The following PDE4D variants were observed in gnomAD, a reference collection of about 807,000 sequenced individuals.
PDE4D encodes 3',5'-cyclic-AMP phosphodiesterase 4D.
A neutral mutation model predicts 87.4 loss-of-function variants in PDE4D; 24 were observed. That is an observed-to-expected ratio of 0.27 (90% CI 0.20 to 0.39). The LOEUF (loss-of-function observed/expected upper bound fraction) is 0.39, where lower values mean the gene tolerates loss of function less well. PDE4D is among the 10% of genes least tolerant of loss of function. The probability of loss-of-function intolerance (pLI) is 1.00; values close to 1 mark genes in which losing one functional copy is unlikely to be tolerated. For synonymous variants in PDE4D, 384 were observed against 383.2 expected (o/e 1.00, Z -0.02); for missense variants, 714 against 1,041.0 (o/e 0.69, Z 4.32).
At chr5:59,042,266 G>T (rs115046480) in intron 5 of PDE4D, among the ~76,000 whole-genome samples, 4 of 152,118 alleles carry the variant, frequency 2.6e-5, no homozygotes, top group Non-Finnish European at 5.9e-5. Flanking sequence ...CATTTGTAAA[G>T]CTTCACTTTT....
chr5:60,381,976 A>G (rs527293489), intron 1 of PDE4D, among the ~76,000 whole-genome samples: 1 of 152,324 alleles, frequency 6.6e-6, no homozygotes, highest in East Asian at 1.9e-4. Context: ...TTCATCATGA[A>G]AGATTCTGTT....
chr5:59,771,433 A>AAGAAAG (rs758826036), intron 1 of PDE4D, among the ~76,000 whole-genome samples: 2 of 93,830 alleles, frequency 2.1e-5, no homozygotes, highest in African/African-American at 8.1e-5. Context: ...AAGAAAAAGA[A>AAGAAAG]AAAGAAAGAA....
At chr5:59,917,190 C>T (rs1754159249) in intron 3 of PDE4D, among the ~76,000 whole-genome samples, 1 of 151,992 alleles carries the variant, frequency 6.6e-6, no homozygotes, top group Admixed American at 6.6e-5. Context: ...TCTACTTTGA[C>T]ATCTACGACT....
intron 1 of PDE4D, among the ~76,000 whole-genome samples, chr5:59,427,289 TTA>T (rs1037996250): frequency 4.9e-5 from 4 of 82,170 alleles, no homozygotes; most frequent in African/African-American, 1.5e-4. Context: ...GGAAGTGATT[TTA>T]TACACACACA....
At chr5:59,359,053 T>C (rs893966056) in intron 1 of PDE4D, among the ~76,000 whole-genome samples, 7 of 152,222 alleles carry the variant, frequency 4.6e-5, no homozygotes, top group Admixed American at 3.9e-4. Context: ...ATTTACCTTT[T>C]TAAAGGGATA....
intron 1 of PDE4D, among the ~76,000 whole-genome samples, chr5:59,295,571 G>C (rs1294964413): frequency 1.3e-5 from 2 of 152,162 alleles, no homozygotes; most frequent in Non-Finnish European, 2.9e-5. Flanking sequence ...CAGAGATGAG[G>C]CAGGAACTTC....
intron 2 of PDE4D, among the ~76,000 whole-genome samples, chr5:60,137,103 C>T (rs1780122440): frequency 6.6e-6 from 1 of 152,102 alleles, no homozygotes; most frequent in South Asian, 2.1e-4. Context: ...GGATAGTGGC[C>T]TCCAGCCCTA....
At chr5:59,859,266 AT>A (rs1374005395) in intron 1 of PDE4D, among the ~76,000 whole-genome samples, 1 of 152,154 alleles carries the variant, frequency 6.6e-6, no homozygotes, top group African/African-American at 2.4e-5. Flanking sequence ...GGTGCCTCTC[AT>A]TTCCTCAGCT....
chr5:60,230,684 C>T (rs1197739558), intron 1 of PDE4D, among the ~76,000 whole-genome samples: 1 of 152,022 alleles, frequency 6.6e-6, no homozygotes, highest in Non-Finnish European at 1.5e-5. Context: ...CTAAAGAGAA[C>T]TTTGAGTCAA....
At chr5:60,096,253 C>T (rs953085408) in intron 2 of PDE4D, among the ~76,000 whole-genome samples, 6 of 152,026 alleles carry the variant, frequency 3.9e-5, no homozygotes, top group African/African-American at 1.4e-4. Context: ...TCAGAAATAA[C>T]TCCACACTCT....
chr5:59,933,071 A>C (rs1442403009), intron 3 of PDE4D, among the ~76,000 whole-genome samples: 2 of 152,190 alleles, frequency 1.3e-5, no homozygotes, highest in Admixed American at 1.3e-4. Context: ...GCTTTGAAAT[A>C]GGATTCAGAA....
At chr5:60,435,354 A>G (rs983759653) in intron 1 of PDE4D, among the ~76,000 whole-genome samples, 1 of 152,116 alleles carries the variant, frequency 6.6e-6, no homozygotes, top group Non-Finnish European at 1.5e-5. Flanking sequence ...GATAGACACA[A>G]CTTAACATAT....
rs558451811 is a variant in PDE4D, at chr5:59,218,516, C to T, written c.456-2548G>A. ...TTAAGCCATAATATTAGCACTAAAA[C>T]CAAAACATTTATTAATAGGTCAGGA... On this transcript the variant is annotated intron_variant, in intron 1 of 14. Transcript: ENST00000340635. Among the ~76,000 whole-genome samples the T allele has an allele frequency of 5.3e-5, 8 of 152,076 alleles. No individual in the cohort carries two copies. In the East Asian group the frequency reaches 1.5e-3, roughly 29 times the overall value.
intron 6 of PDE4D, chr5:58,999,478 G>T: frequency 6.8e-7 from 1 of 1,466,824 alleles, no homozygotes; most frequent in Non-Finnish European, 9.3e-7. Flanking sequence ...CAAAAGCTAA[G>T]TAAGTCTTAC....
chr5:60,371,731 A>T (rs1761047224), intron 1 of PDE4D, among the ~76,000 whole-genome samples: 1 of 152,282 alleles, frequency 6.6e-6, no homozygotes, highest in East Asian at 1.9e-4. Flanking sequence ...CAGAGCTCTG[A>T]TTCTAAGCTT....
chr5:60,413,218 C>T (rs1435160337), intron 1 of PDE4D, among the ~76,000 whole-genome samples: 1 of 152,202 alleles, frequency 6.6e-6, no homozygotes, highest in East Asian at 1.9e-4. Context: ...TTCATTACAT[C>T]ATTCACTCAA....
chr5:60,323,090 G>T (rs1756462190), intron 1 of PDE4D, among the ~76,000 whole-genome samples: 1 of 152,154 alleles, frequency 6.6e-6, no homozygotes, highest in Non-Finnish European at 1.5e-5. Flanking sequence ...CTTGGTTCCA[G>T]ACTCTCCTTT....
At chr5:59,171,923 TAATA>T (rs1429302788) in intron 5 of PDE4D, among the ~76,000 whole-genome samples, 1 of 114,728 alleles carries the variant, frequency 8.7e-6, no homozygotes, top group African/African-American at 3.8e-5. Context: ...ATACATTATA[TAATA>T]AATATTATAT....
chr5:60,506,934 G>A (rs1750350802), intron 1 of PDE4D, among the ~76,000 whole-genome samples: 1 of 151,996 alleles, frequency 6.6e-6, no homozygotes, highest in African/African-American at 2.4e-5. Context: ...AAAATAAAAA[G>A]GAAAAGAAAC....
Sources: allele counts gnomAD v4.1 joint callset (sites outside exome capture counted in the v4.1 genomes callset), GRCh38; gene constraint gnomAD v4.1.1; transcripts MANE v1.5; gene names NCBI Gene and HGNC (gene_info 2026-07-23, HGNC 2026-07-21).